Variants in CAAP1 observed in about 807,000 individuals in gnomAD.
CAAP1 encodes the protein conserved anti-apoptotic protein.
CAAP1 carries 20 observed loss-of-function variants against 34.0 expected under a neutral mutation model. That is an observed-to-expected ratio of 0.59 (90% confidence interval 0.41 to 0.86). The LOEUF (loss-of-function observed/expected upper bound fraction) is 0.86. Ranked by LOEUF, CAAP1 falls within the 40% of genes least tolerant of loss-of-function variation. The probability of loss-of-function intolerance (pLI) is 0.00; values close to 1 mark genes in which losing one functional copy is unlikely to be tolerated. For synonymous variants in CAAP1, 213 were observed against 166.7 expected (o/e 1.28, Z -2.14); for missense variants, 538 against 450.5 (o/e 1.19, Z -1.76).
chr9:26,877,341 T>C (rs1236918499), intron 4 of CAAP1, among the ~76,000 whole-genome samples: 2 of 152,148 alleles, frequency 1.3e-5, no homozygotes, highest in Non-Finnish European at 2.9e-5. Flanking sequence ...GCATTTCCAA[T>C]AAAGGATACT....
At position 26,887,084 on chromosome 9, in the gene CAAP1, T is replaced by C. The variant is rs907466481; in HGVS notation, c.504+229A>G. On this transcript the variant is annotated intron_variant, in intron 2 of 5. Coordinates refer to ENST00000333916, the MANE Select transcript of CAAP1 (RefSeq NM_024828.4). ...AAAATTAGCCGGGCATGGTGGTTCA[T>C]GCCTGTAGTCCCAGCTACTCAGGAG... Among the ~76,000 whole-genome samples, 9 of 152,126 alleles carry C rather than the reference T, an allele frequency of 5.9e-5. No homozygotes were observed. In the South Asian group the frequency reaches 6.2e-4, roughly 10 times the overall value.
chr9:26,891,219 T>A (rs1823896285), intron 1 of CAAP1, among the ~76,000 whole-genome samples: 1 of 152,050 alleles, frequency 6.6e-6, no homozygotes, highest in South Asian at 2.1e-4. Context: ...GTACAGAAAA[T>A]TACATAAGAA....
rs1342454155 is a variant in CAAP1 at position 26,840,738 on chromosome 9, TTA to T, written c.*1561_*1562del. 3 of 152,194 alleles carry T rather than the reference TTA, an allele frequency of 2.0e-5. No individual in the cohort carries two copies. Among genetic ancestry groups the T allele is most frequent in the Admixed American group, 6.5e-5 (1 of 15,280 alleles). The allele number at this position is 152,194 out of a possible 1,614,324, so 9.4% of individuals were successfully genotyped here. A position where few individuals can be genotyped will look rare whatever the true frequency, so the allele number is the denominator to read the frequency against. On this transcript the variant is annotated 3_prime_UTR_variant, in exon 6 of 6. Coordinates refer to ENST00000333916, the MANE Select transcript of CAAP1 (RefSeq NM_024828.4). ...ACAAAGCCCTCAGACCTGTTTTACTTTATATGTTTAATCATACAGATGCCATC... is the reference window on the plus strand; with the variant it reads ...ACAAAGCCCTCAGACCTGTTTTACTTTATGTTTAATCATACAGATGCCATC...
chr9:26,886,141 C>A lies in CAAP1; in HGVS notation c.552G>T (p.Glu184Asp). 6.4e-7 allele frequency: 1 copy of A among 1,555,890 alleles called. No homozygotes were observed. The highest frequency in any genetic ancestry group is 1.3e-5 in the South Asian group (1 of 77,666). The change falls in exon 3 of 6, where the codon GAG becomes GAT. Residue 184 changes from glutamate to aspartate, a missense_variant. Around this residue, in one of 3 missense-constraint regions of CAAP1, gnomAD observed 514 missense variants for 408.4 expected, o/e 1.26. Transcript: ENST00000333916. The part of the protein sequence containing the change: ...EIKKLCQEQL[E>D]LLSEKKILKI... ...TCAAAATTTTTTTTTCAGACAGGAG[C>A]TCTAACTGTTCCTGGCATAGTTTTT... is the stretch of plus-strand genomic sequence containing the variant.
At position 26,842,420 on chromosome 9, in the gene CAAP1, C is replaced by T. The variant is rs192927881; in HGVS notation, c.967G>A (p.Val323Ile). Residue 323 changes from valine (V) to isoleucine (I), a missense_variant, in exon 6 of 6, where the codon GTT becomes ATT. Val to Ile is a conservative substitution (Grantham distance 29). Around this residue, in one of 3 missense-constraint regions of CAAP1, gnomAD observed 514 missense variants for 408.4 expected, o/e 1.26. Transcript: ENST00000333916. ...PNEPKAATLA[V>I]PPPEDVQPSA... The stretch of plus-strand genomic sequence containing the variant: ...GGTTGAACATCTTCTGGTGGAGGAA[C>T]AGCCAGGGTGGCTGCTTTGGGTTCG... 6.2e-7 allele frequency: 1 copy of T among 1,614,158 alleles called. No individual in the cohort carries two copies. The highest frequency in any genetic ancestry group is 2.2e-5 in the East Asian group (1 of 44,890).
chr9:26,847,344 A>T (rs1466144177), intron 5 of CAAP1, among the ~76,000 whole-genome samples: 24 of 150,028 alleles, frequency 1.6e-4, no homozygotes, highest in Admixed American at 1.5e-3. Context: ...CCTCCCAAGT[A>T]GCTGGGACTA....
In CAAP1 at chr9:26,842,007, G is replaced by A. The variant is rs542159966; in HGVS notation, c.*294C>T. ...TTAAAAATAAAGAAAAAAATACCAC[G>A]ACTCTTTGCTAATGGCTTTTAAGAT... On this transcript the variant is annotated 3_prime_UTR_variant, in exon 6 of 6. Coordinates refer to ENST00000333916, the MANE Select transcript of CAAP1 (RefSeq NM_024828.4). The A allele has an allele frequency of 1.2e-4, 28 of 226,670 alleles. No individual in the cohort carries two copies. The highest frequency in any genetic ancestry group is 2.9e-4 in the African/African-American group (13 of 44,472). The allele number at this position is 226,670 out of a possible 1,614,324, so 14.0% of individuals were successfully genotyped here.
chr9:26,890,150 A>T (rs887674193), intron 1 of CAAP1, among the ~76,000 whole-genome samples: 4 of 152,032 alleles, frequency 2.6e-5, no homozygotes, highest in Non-Finnish European at 5.9e-5. Context: ...CGAGTGGATC[A>T]CCTGAGGTCA....
chr9:26,847,198 ATTTTTTTTTTTTTTTTTTT>A (rs1171628621), intron 5 of CAAP1, among the ~76,000 whole-genome samples: 5 of 34,752 alleles, frequency 1.4e-4, no homozygotes, highest in East Asian at 1.7e-3. Context: ...AAAAAGCAAT[ATTTTTTTTTTTTTTTTTTT>A]TTTTTTTTTT....
chr9:26,890,539 A>C (rs1368031658), intron 1 of CAAP1, among the ~76,000 whole-genome samples: 1 of 152,160 alleles, frequency 6.6e-6, no homozygotes, highest in Non-Finnish European at 1.5e-5. Context: ...CTTCTGACAA[A>C]TATTTGAGAA....
intron 4 of CAAP1, among the ~76,000 whole-genome samples, chr9:26,884,319 A>C (rs1358158356): frequency 2.0e-5 from 3 of 152,172 alleles, no homozygotes; most frequent in Admixed American, 6.5e-5. Context: ...TTTTTTTATC[A>C]TCCCGACAGT....
chr9:26,884,190 C>A (rs932848581), intron 4 of CAAP1, among the ~76,000 whole-genome samples: 3 of 152,122 alleles, frequency 2.0e-5, no homozygotes, highest in Non-Finnish European at 4.4e-5. Flanking sequence ...TTGTTTTAAG[C>A]AAATAGCATC....
chr9:26,865,141 T>C (rs1056749906), intron 4 of CAAP1, among the ~76,000 whole-genome samples: 1 of 152,184 alleles, frequency 6.6e-6, no homozygotes, highest in African/African-American at 2.4e-5. Context: ...CATTCAAATA[T>C]ATATGTTTTC....
intron 2 of CAAP1, among the ~76,000 whole-genome samples, chr9:26,886,808 T>G (rs1190683808): frequency 1.3e-5 from 2 of 152,228 alleles, no homozygotes. Flanking sequence ...TGCCTAAACA[T>G]TTCTTCGTGG....
At chr9:26,870,524 T>A (rs1280316237) in intron 4 of CAAP1, among the ~76,000 whole-genome samples, 1 of 149,086 alleles carries the variant, frequency 6.7e-6, no homozygotes, top group East Asian at 2.1e-4. Flanking sequence ...CGCCTAGATC[T>A]CAGGGGTGTG....
At chr9:26,892,285 C>CA (rs1173941176) in intron 1 of CAAP1, 128 bp downstream of exon 1, 2 of 1,534,042 alleles carry the variant, frequency 1.3e-6, no homozygotes, top group Non-Finnish European at 1.7e-6. Flanking sequence ...ACATGAACCT[C>CA]AAGGACGGAC....
At chr9:26,865,004 C>A (rs1823098617) in intron 4 of CAAP1, among the ~76,000 whole-genome samples, 1 of 152,036 alleles carries the variant, frequency 6.6e-6, no homozygotes, top group South Asian at 2.1e-4. Context: ...TCCAGATAAC[C>A]AATTTATGAT....
intron 2 of CAAP1, among the ~76,000 whole-genome samples, chr9:26,886,426 A>C (rs1823740779): frequency 6.6e-6 from 1 of 152,218 alleles, no homozygotes; most frequent in African/African-American, 2.4e-5. Context: ...AAAGAAAAAA[A>C]CTAAAGAGTG....
At chr9:26,874,546 C>T (rs1387746775) in intron 4 of CAAP1, among the ~76,000 whole-genome samples, 1 of 152,160 alleles carries the variant, frequency 6.6e-6, no homozygotes, top group Non-Finnish European at 1.5e-5. Flanking sequence ...CCCACCCCAA[C>T]CTCTGGTAAC....
Sources: gnomAD v4.1 joint callset for allele counts (sites outside exome capture counted in the v4.1 genomes callset) on GRCh38, gnomAD v4.1.1 for gene constraint, gnomAD v4.1.1 regional missense constraint, MANE v1.5 for transcripts, NCBI Gene and HGNC (gene_info 2026-07-23, HGNC 2026-07-21) for gene names.